PCNX3: variants seen among roughly 807,000 people sequenced by gnomAD.
The protein encoded by PCNX3 is pecanex 3.
A neutral mutation model predicts 207.2 loss-of-function variants in PCNX3; 58 were observed. That is an observed-to-expected ratio of 0.28 (90% CI 0.23 to 0.35). The LOEUF (loss-of-function observed/expected upper bound fraction) is 0.35. Among genes scored for constraint, PCNX3 ranks in the 10% least tolerant of loss-of-function variants. PCNX3 has a pLI of 1.00. For synonymous variants in PCNX3, 1,337 were observed against 1,183.5 expected, an observed-to-expected ratio of 1.13 and a Z score of -2.66; for missense variants, 2,410 against 2,774.4, an observed-to-expected ratio of 0.87 and a Z score of 2.95.
chr11:65,636,534 A>G lies in PCNX3; in HGVS notation c.5737A>G (p.Thr1913Ala), dbSNP rs1320431263. 4 of 1,591,684 alleles carry G rather than the reference A, an allele frequency of 2.5e-6. No homozygotes were observed. Among genetic ancestry groups the G allele is most frequent in the Non-Finnish European group, 3.4e-6 (4 of 1,171,014 alleles). Residue 1913 changes from threonine to alanine, a missense_variant, in exon 34 of 35, where the codon ACA becomes GCA. Around this residue, in one of 8 missense-constraint regions of PCNX3, gnomAD observed 278 missense variants for 245.1 expected, o/e 1.13. Transcript: ENST00000355703. ...ACCACCCCCTGCATCGCCTATCCCCACAGAGGGTCCCCGGACCTCACGGCC... is the reference window on the plus strand; with the variant it reads ...ACCACCCCCTGCATCGCCTATCCCCGCAGAGGGTCCCCGGACCTCACGGCC... ...PGPPPASPIP[T>A]EGPRTSRPPG...
intron 27 of PCNX3, among the ~76,000 whole-genome samples, chr11:65,631,011 G>T (rs1855596975): frequency 6.6e-6 from 1 of 152,240 alleles, no homozygotes; most frequent in Non-Finnish European, 1.5e-5. Context: ...GCTATGCTGG[G>T]CATCTCTCCT....
rs368461088 is a variant in PCNX3 at position 65,620,770 on chromosome 11, C to T, written c.2100-61C>T. ...ACCTGCCTGGCCTTGGCCTCGGCCT[C>T]GACCCCACCCAGCCCCAGGGCTCGC... On this transcript the variant is annotated intron_variant, in intron 9 of 34. Coordinates refer to ENST00000355703, the MANE Select transcript of PCNX3 (RefSeq NM_032223.4). The T allele has an allele frequency of 1.9e-4, 303 of 1,560,940 alleles. No homozygotes were observed. In the South Asian group the frequency reaches 2.9e-3, roughly 15 times the overall value.
chr11:65,622,212 C>T (rs1190884979), intron 10 of PCNX3, 33 bp from the exon 11 acceptor site: 5 of 1,589,082 alleles, frequency 3.1e-6, no homozygotes, highest in South Asian at 1.1e-5. Context: ...GCAGTTTGAC[C>T]TGCTGGACCA....
At chr11:65,619,506 C>G in intron 6 of PCNX3, 31 bp from the exon 7 acceptor site, 1 of 1,607,186 alleles carries the variant, frequency 6.2e-7, no homozygotes, top group African/African-American at 1.3e-5. Context: ...GAGCATCTGT[C>G]ACTTACACTT....
chr11:65,626,527 C>T, intron 20 of PCNX3: 1 of 414,026 alleles, frequency 2.4e-6, no homozygotes, highest in Admixed American at 3.6e-5. Context: ...GCTTCCCAGA[C>T]TAGCATCCCT....
At position 65,636,810 on chromosome 11, in the gene PCNX3, C is replaced by T. The variant is rs893399407; in HGVS notation, c.5937C>T (p.Pro1979=). ...LSLSLSLSLS[P]DVSTEASPPR... ...TCAGCCTCAGCCTCAGCCTCAGCCC[C>T]GATGTCAGCACTGAGGCCTCACCCC... Residue 1979 remains proline (P), a synonymous_variant, in exon 35 of 35, where the codon CCC becomes CCT. Transcript: ENST00000355703. 8.4e-6 allele frequency: 13 copies of T among 1,550,234 alleles called. No individual in the cohort carries two copies. The highest frequency in any genetic ancestry group is 5.9e-5 in the Admixed American group (3 of 50,948).
rs375004637 is a variant in PCNX3, at chr11:65,618,003, C to A, written c.641C>A (p.Ser214Tyr). The change falls in exon 6 of 35, where the codon TCT becomes TAT. Residue 214 changes from serine (S) to tyrosine (Y), a missense_variant. This residue lies in a region of PCNX3 where 1,104 missense variants were observed against 970.3 expected (regional missense o/e 1.14). Transcript: ENST00000355703. ...VPDPSLASTD[S>Y]SEPSPLAGDG... ...GACCCCTCTCTTGCCAGTACAGACT[C>A]TTCAGAGCCTTCTCCCCTGGCTGGA... 4.3e-6 allele frequency: 7 copies of A among 1,610,864 alleles called. No homozygotes were observed. In the South Asian group the frequency reaches 7.7e-5, roughly 18 times the overall value.
chr11:65,628,541 G>A, intron 22 of PCNX3, 54 bp from the exon 23 acceptor site: 2 of 1,545,292 alleles, frequency 1.3e-6, no homozygotes, highest in East Asian at 2.3e-5. Flanking sequence ...GCATCCGGGG[G>A]CTTCCATGAG....
At chr11:65,626,727 T>C (rs944302225) in intron 20 of PCNX3, 177 bp from the exon 21 acceptor site, 4 of 790,026 alleles carry the variant, frequency 5.1e-6, no homozygotes, top group South Asian at 1.8e-5. Context: ...CTAAGTGCCA[T>C]GTGGAGCCCT....
chr11:65,617,969 G>A lies in PCNX3; in HGVS notation c.607G>A (p.Ala203Thr). The A allele has an allele frequency of 1.3e-6, 2 of 1,597,714 alleles. No individual in the cohort carries two copies. Among genetic ancestry groups the A allele is most frequent in the African/African-American group, 1.3e-5 (1 of 74,294 alleles). Residue 203 changes from alanine to threonine, a missense_variant, in exon 6 of 35, where the codon GCT becomes ACT. This residue lies in a region of PCNX3 where 1,104 missense variants were observed against 970.3 expected (regional missense o/e 1.14). Coordinates refer to ENST00000355703, the MANE Select transcript of PCNX3 (RefSeq NM_032223.4). The part of the protein sequence containing the change: ...IGDLPQTPPG[A>T]VPDPSLASTD... ...AGACCTTCCCCAGACGCCTCCAGGG[G>A]CTGTCCCAGACCCCTCTCTTGCCAG...
rs1450374485 is a variant in PCNX3 at position 65,634,654 on chromosome 11, G to T, written c.4805+13G>T. 1.3e-6 allele frequency: 2 copies of T among 1,559,810 alleles called. No individual in the cohort carries two copies. Among genetic ancestry groups the T allele is most frequent in the East Asian group, 4.7e-5 (2 of 42,660 alleles). ...GCATGTCTGCAAGGTGAGTGCTCGG[G>T]TGTCCCGCGGGGCCTACTGCCGTCC... On this transcript the variant is annotated intron_variant, in intron 29 of 34. Coordinates refer to ENST00000355703, the MANE Select transcript of PCNX3 (RefSeq NM_032223.4).
chr11:65,624,826 C>G (rs148781362), intron 15 of PCNX3, 99 bp from the exon 16 acceptor site: 29 of 1,284,832 alleles, frequency 2.3e-5, no homozygotes, highest in Non-Finnish European at 3.1e-5. Context: ...GGTGCCTTTC[C>G]AGGGAGGCCA....
chr11:65,617,994 G>C lies in PCNX3; in HGVS notation c.632G>C (p.Ser211Thr), dbSNP rs1236889140. The C allele has an allele frequency of 6.2e-7, 1 of 1,611,586 alleles. No homozygotes were observed. Among genetic ancestry groups the C allele is most frequent in the Admixed American group, 1.7e-5 (1 of 59,834 alleles). The change falls in exon 6 of 35, where the codon AGT (serine) becomes ACT (threonine). Residue 211 changes from serine to threonine, a missense_variant. Physicochemically the swap from Ser to Thr is moderately conservative, Grantham distance 58. This residue lies in a region of PCNX3 where 1,104 missense variants were observed against 970.3 expected (regional missense o/e 1.14). Coordinates refer to ENST00000355703, the MANE Select transcript of PCNX3 (RefSeq NM_032223.4). ...GCTGTCCCAGACCCCTCTCTTGCCA[G>C]TACAGACTCTTCAGAGCCTTCTCCC... The part of the protein sequence containing the change: ...PGAVPDPSLA[S>T]TDSSEPSPLA...
chr11:65,626,977 C>A lies in PCNX3; in HGVS notation c.3453C>A (p.Pro1151=). The A allele has an allele frequency of 6.4e-7, 1 of 1,560,776 alleles. No homozygotes were observed. Among genetic ancestry groups the A allele is most frequent in the Non-Finnish European group, 8.7e-7 (1 of 1,152,430 alleles). The change falls in exon 21 of 35, where the codon CCC becomes CCA. Residue 1151 remains proline, a synonymous_variant. Transcript: ENST00000355703. ...LQCVEKYLIY[P]AVVLNALTVD... Reference sequence around the variant, plus strand: ...GCGTAGAGAAGTACCTCATCTACCCCGCCGTGGTGCTCAACGCCCTCACGG... The same window carrying A: ...GCGTAGAGAAGTACCTCATCTACCCAGCCGTGGTGCTCAACGCCCTCACGG...
At chr11:65,620,006 G>T (rs1028769648) in intron 8 of PCNX3, 74 bp downstream of exon 8, 1 of 1,441,680 alleles carries the variant, frequency 6.9e-7, no homozygotes, top group Admixed American at 2.1e-5. Context: ...CCTAGCAGTG[G>T]TGCTCGCTCG....
intron 11 of PCNX3, among the ~76,000 whole-genome samples, chr11:65,622,703 C>T (rs946764397): frequency 9.8e-5 from 15 of 152,292 alleles, no homozygotes; most frequent in East Asian, 1.9e-4. Flanking sequence ...TCACGCCATT[C>T]TCCTGCCTCA....
At position 65,619,009 on chromosome 11, in the gene PCNX3, C is replaced by T. The variant is rs757401369; in HGVS notation, c.1647C>T (p.Pro549=). 8.8e-6 allele frequency: 14 copies of T among 1,596,512 alleles called. No individual in the cohort carries two copies. Among genetic ancestry groups the T allele is most frequent in the Middle Eastern group, 1.7e-4 (1 of 5,828 alleles). ...TGCCTGCTGAGGCGCGAAGGGGACC[C>T]GCTGCCAACCAGCCCGGCTGGCGGG... is the stretch of plus-strand genomic sequence containing the variant. ...VVLPAEARRG[P]AANQPGWRGE... The change falls in exon 6 of 35, where the codon CCC becomes CCT. Residue 549 remains proline, a synonymous_variant. Transcript: ENST00000355703.
chr11:65,617,619 G>A lies in PCNX3; in HGVS notation c.490G>A (p.Glu164Lys). The change falls in exon 5 of 35, where the codon GAG becomes AAG. Residue 164 changes from glutamate (E) to lysine (K), a missense_variant. Glu to Lys is a moderately conservative substitution (Grantham distance 56). This residue lies in a region of PCNX3 where 1,104 missense variants were observed against 970.3 expected (regional missense o/e 1.14). Transcript: ENST00000355703. ...EDSGPLRDIKELVREQGSNNV... is the reference protein window; with the variant it reads ...EDSGPLRDIKKLVREQGSNNV... ...TGGGGCCATGGTTGCAGACATCAAG[G>A]AGCTGGTGCGGGAGCAGGGCAGCAA... 2 of 1,611,232 alleles carry A rather than the reference G, an allele frequency of 1.2e-6. No homozygotes were observed. The highest frequency in any genetic ancestry group is 8.5e-7 in the Non-Finnish European group (1 of 1,178,678).
At chr11:65,632,609 G>T (rs1317734986) in intron 27 of PCNX3, among the ~76,000 whole-genome samples, 1 of 136,728 alleles carries the variant, frequency 7.3e-6, no homozygotes, top group African/African-American at 2.7e-5. Context: ...GCGGCTGCTG[G>T]TATTGCCCCC....
Sources: gnomAD v4.1 joint callset for allele counts (sites outside exome capture counted in the v4.1 genomes callset) on GRCh38, gnomAD v4.1.1 for gene constraint, gnomAD v4.1.1 regional missense constraint, MANE v1.5 for transcripts, NCBI Gene and HGNC (gene_info 2026-07-23, HGNC 2026-07-21) for gene names.